Variants in MOB1B observed in about 807,000 individuals in gnomAD.
MOB1B encodes the protein MOB1 Mps One Binder homolog B.
MOB1B carries 19 observed loss-of-function variants against 24.4 expected under a neutral mutation model. The ratio of observed to expected loss-of-function variants is 0.78; its 90% CI spans 0.54 to 1.14. The LOEUF (loss-of-function observed/expected upper bound fraction) is 1.14, where lower values mean the gene tolerates loss of function less well. Among genes scored for constraint, MOB1B ranks in the 50% most tolerant of loss-of-function variants. The probability of loss-of-function intolerance (pLI) is 0.00; values close to 1 mark genes in which losing one functional copy is unlikely to be tolerated. For synonymous variants in MOB1B, 76 were observed against 82.1 expected (o/e 0.93, Z 0.40); for missense variants, 243 against 259.6 (o/e 0.94, Z 0.44).
At chr4:70,957,584 T>C (rs941695215) in intron 1 of MOB1B, among the ~76,000 whole-genome samples, 9 of 151,992 alleles carry the variant, frequency 5.9e-5, no homozygotes, top group Non-Finnish European at 1.3e-4. Flanking sequence ...GACTACGGGC[T>C]GCACCATCAC....
chr4:70,938,011 T>G (rs1472160269), intron 1 of MOB1B, among the ~76,000 whole-genome samples: 1 of 152,136 alleles, frequency 6.6e-6, no homozygotes, highest in African/African-American at 2.4e-5. Flanking sequence ...TCGCTAAAGA[T>G]TTTTATTGAT....
chr4:70,979,144 G>C lies in MOB1B; in HGVS notation c.426G>C (p.Lys142Asn). 6.2e-7 allele frequency: 1 copy of C among 1,613,332 alleles called. No homozygotes were observed. The highest frequency in any genetic ancestry group is 1.7e-5 in the Admixed American group (1 of 59,962). The change falls in exon 5 of 6, where the codon AAG becomes AAC. Residue 142 changes from lysine to asparagine, a missense_variant. Lys to Asn is a moderately conservative substitution (Grantham distance 94, BLOSUM62 0). Coordinates refer to ENST00000309395, the MANE Select transcript of MOB1B (RefSeq NM_173468.4). ...FPSKIGVPFP[K>N]NFMSVAKTIL... ...CTTTTCTAGGTGTCCCGTTCCCAAA[G>C]AATTTCATGTCTGTGGCAAAAACTA... is the stretch of plus-strand genomic sequence containing the variant.
intron 1 of MOB1B, among the ~76,000 whole-genome samples, chr4:70,929,844 G>A (rs890591538): frequency 2.6e-5 from 4 of 151,586 alleles, no homozygotes; most frequent in Middle Eastern, 3.4e-3. Flanking sequence ...ACGGGGTTTC[G>A]CCGTGGTCTC....
At chr4:70,932,826 C>G (rs1279032603) in intron 1 of MOB1B, among the ~76,000 whole-genome samples, 1 of 152,132 alleles carries the variant, frequency 6.6e-6, no homozygotes, top group Non-Finnish European at 1.5e-5. Context: ...GGTAATAGCA[C>G]TAAGGATGAT....
intron 2 of MOB1B, among the ~76,000 whole-genome samples, chr4:70,960,049 A>G (rs747424404): frequency 4.0e-4 from 60 of 151,868 alleles, no homozygotes; most frequent in Non-Finnish European, 7.5e-4. Flanking sequence ...ATGTCCGGCT[A>G]ATTTTTGTAT....
At chr4:70,981,562 A>G (rs545716031) in intron 5 of MOB1B, among the ~76,000 whole-genome samples, 8 of 152,306 alleles carry the variant, frequency 5.3e-5, no homozygotes, top group Non-Finnish European at 1.2e-4. Context: ...TTGGCTTTTC[A>G]TATAATGCTG....
chr4:70,971,027 G>A (rs1035009256), intron 3 of MOB1B, among the ~76,000 whole-genome samples: 2 of 152,228 alleles, frequency 1.3e-5, no homozygotes, highest in Non-Finnish European at 2.9e-5. Flanking sequence ...AAGTATGTTT[G>A]TGGTTTTTAC....
chr4:70,904,428 A>G (rs1578336534), intron 1 of MOB1B, among the ~76,000 whole-genome samples: 1 of 152,100 alleles, frequency 6.6e-6, no homozygotes, highest in Non-Finnish European at 1.5e-5. Flanking sequence ...GATGATATCC[A>G]TGACTACTGC....
chr4:70,910,306 G>T (rs976274861), intron 1 of MOB1B, among the ~76,000 whole-genome samples: 1 of 152,066 alleles, frequency 6.6e-6, no homozygotes, highest in Admixed American at 6.6e-5. Context: ...CTCCCAAAGC[G>T]CTGGGATTAT....
chr4:70,917,294 C>A (rs1736232685), intron 1 of MOB1B, among the ~76,000 whole-genome samples: 2 of 152,156 alleles, frequency 1.3e-5, no homozygotes, highest in Non-Finnish European at 2.9e-5. Context: ...CAAACTCCTT[C>A]AAAAATAAAA....
In MOB1B at chr4:70,975,179, C is replaced by A. The variant is rs767528335; in HGVS notation, c.302C>A (p.Thr101Lys). The change falls in exon 4 of 6, where the codon ACG becomes AAG. Residue 101 changes from threonine to lysine, a missense_variant. Thr to Lys is a moderately conservative substitution (Grantham distance 78). Transcript: ENST00000309395. The part of the protein sequence containing the change: ...PKYEYHWADG[T>K]NIKKPIKCSA... ...TATGAGTATCATTGGGCAGATGGAA[C>A]GAACATAAAGAAACCTATTAAGTGC... is the stretch of plus-strand genomic sequence containing the variant. 6.2e-7 allele frequency: 1 copy of A among 1,608,114 alleles called. No homozygotes were observed. Among genetic ancestry groups the A allele is most frequent in the South Asian group, 1.1e-5 (1 of 89,670 alleles).
At chr4:70,941,034 C>T (rs1737312483) in intron 1 of MOB1B, among the ~76,000 whole-genome samples, 1 of 152,154 alleles carries the variant, frequency 6.6e-6, no homozygotes, top group Non-Finnish European at 1.5e-5. Context: ...ATTTGATTAA[C>T]CAAATTTAAC....
At chr4:70,960,550 G>GA (rs986557357) in intron 2 of MOB1B, among the ~76,000 whole-genome samples, 3 of 152,024 alleles carry the variant, frequency 2.0e-5, no homozygotes, top group African/African-American at 7.2e-5. Context: ...AAATTGAGCT[G>GA]CCCCCCTCTA....
intron 5 of MOB1B, among the ~76,000 whole-genome samples, chr4:70,980,172 C>A (rs187136096): frequency 4.7e-4 from 71 of 152,332 alleles, no homozygotes; most frequent in Admixed American, 7.8e-4. Context: ...ACTCCTCACA[C>A]TGAAGGCACA....
chr4:70,960,553 C>G (rs1458964590), intron 2 of MOB1B, among the ~76,000 whole-genome samples: 1 of 151,990 alleles, frequency 6.6e-6, no homozygotes, highest in Non-Finnish European at 1.5e-5. Context: ...TTGAGCTGCC[C>G]CCCTCTAATA....
chr4:70,923,084 A>G (rs981171124), intron 1 of MOB1B, among the ~76,000 whole-genome samples: 6 of 152,172 alleles, frequency 3.9e-5, no homozygotes, highest in Non-Finnish European at 5.9e-5. Flanking sequence ...CGTCACATTA[A>G]TCAGGCCCCC....
intron 1 of MOB1B, among the ~76,000 whole-genome samples, chr4:70,904,132 G>A (rs532953138): frequency 2.0e-4 from 30 of 151,406 alleles, no homozygotes; most frequent in African/African-American, 7.0e-4. Flanking sequence ...ACAGGCCCGC[G>A]CCACCACGCC....
At chr4:70,910,030 G>C (rs1212069977) in intron 1 of MOB1B, among the ~76,000 whole-genome samples, 1 of 146,352 alleles carries the variant, frequency 6.8e-6, no homozygotes, top group African/African-American at 2.5e-5. Context: ...TTACAGGTAT[G>C]AGCCACCACG....
intron 3 of MOB1B, among the ~76,000 whole-genome samples, chr4:70,973,330 G>A (rs1738842004): frequency 6.6e-6 from 1 of 151,840 alleles, no homozygotes; most frequent in African/African-American, 2.4e-5. Flanking sequence ...ATGGGCTGGG[G>A]ATGGTGGCTC....
Sources: allele counts gnomAD v4.1 joint callset (sites outside exome capture counted in the v4.1 genomes callset), GRCh38; gene constraint gnomAD v4.1.1; transcripts MANE v1.5; gene names NCBI Gene and HGNC (gene_info 2026-07-23, HGNC 2026-07-21).